The following IFIT1 variants were observed in gnomAD, a reference collection of about 807,000 sequenced individuals.
The protein encoded by IFIT1 is antiviral innate immune response effector IFIT1.
IFIT1 carries 1 observed loss-of-function variant against 2.5 expected under a neutral mutation model. The observed-to-expected ratio is 0.40, with a 90% CI of 0.14 to 1.92. IFIT1 has a LOEUF of 1.92. Among genes scored for constraint, IFIT1 ranks in the 40% most tolerant of loss-of-function variants. The probability of loss-of-function intolerance (pLI) is 0.31; values close to 1 mark genes in which losing one functional copy is unlikely to be tolerated. For missense variants in IFIT1, 508 were observed against 557.8 expected (o/e 0.91, Z 0.90); for synonymous variants, 191 against 201.7 (o/e 0.95, Z 0.45).
At position 89,396,994 on chromosome 10, in the gene IFIT1, A is replaced by G. The variant is rs116001445; in HGVS notation, c.5+4277A>G. Among the ~76,000 whole-genome samples the G allele has an allele frequency of 5.2e-3, 792 of 152,356 alleles. 2 individuals are homozygous for G. The highest frequency in any genetic ancestry group is 0.018 in the African/African-American group (758 of 41,580). ...TCTCCATACATGAGTAATCACATAC[A>G]TACAAATATATAAGGATTTGGTTCT... On this transcript the variant is annotated intron_variant, in intron 1 of 1. Coordinates refer to ENST00000371804, the MANE Select transcript of IFIT1 (RefSeq NM_001548.5).
chr10:89,392,739 T>C, intron 1 of IFIT1, 22 bp downstream of exon 1: 1 of 1,613,056 alleles, frequency 6.2e-7, no homozygotes, highest in Non-Finnish European at 8.5e-7. Context: ...TTTGCTCCTC[T>C]GCCATAATGT....
At chr10:89,393,514 C>G (rs1779469441) in intron 1 of IFIT1, among the ~76,000 whole-genome samples, 1 of 152,200 alleles carries the variant, frequency 6.6e-6, no homozygotes. Context: ...GAGCAGATCG[C>G]CTGAGGTCAG....
At chr10:89,394,602 A>ATTT (rs1844310842) in intron 1 of IFIT1, among the ~76,000 whole-genome samples, 1 of 32,624 alleles carries the variant, frequency 3.1e-5, no homozygotes, top group Admixed American at 2.8e-4. Flanking sequence ...ATATATATAT[A>ATTT]TATATATATA....
rs1318218502 is a variant in IFIT1 at position 89,403,096 on chromosome 10, T to TA, written c.827dup (p.Ala277GlyfsTer35). On this transcript the variant is annotated frameshift_variant, in exon 2 of 2. Transcript: ENST00000371804. LOFTEE classifies it low-confidence loss of function (END_TRUNC). ...TCTGTGGATAAAGCTCTTGAGTTATTAAAAAAGGCCTTGCAGGAAACACCC... is the reference window on the plus strand; with the variant it reads ...TCTGTGGATAAAGCTCTTGAGTTATTAAAAAAAGGCCTTGCAGGAAACACCC... 1.2e-6 allele frequency: 2 copies of TA among 1,614,114 alleles called. No homozygotes were observed. Among genetic ancestry groups the TA allele is most frequent in the Middle Eastern group, 1.6e-4 (1 of 6,062 alleles).
rs1844323112 is a variant in IFIT1 at position 89,395,178 on chromosome 10, AC to A, written c.5+2465del. ...TGACCTATTTGACTTGCCCCCACTG[AC>A]CCCACCCCCACCCCACATGGACCAG... On this transcript the variant is annotated intron_variant, in intron 1 of 1. Coordinates refer to ENST00000371804, the MANE Select transcript of IFIT1 (RefSeq NM_001548.5). Among the ~76,000 whole-genome samples, 4 of 138,798 alleles carry A rather than the reference AC, an allele frequency of 2.9e-5. No homozygotes were observed. The South Asian group carries it at 7.6e-4, about 26-fold the overall frequency. The allele number at this position is 138,798 out of a possible 152,430, so 91.1% of individuals were successfully genotyped here. A position where few individuals can be genotyped will look rare whatever the true frequency, so the allele number is the denominator to read the frequency against.
rs1844454541 is a variant in IFIT1 at position 89,402,807 on chromosome 10, A to C, written c.532A>C (p.Ser178Arg). Residue 178 changes from serine to arginine, a missense_variant, in exon 2 of 2, where the codon AGC becomes CGC. By Grantham distance (110) the Ser-to-Arg change is moderately radical. Transcript: ENST00000371804. Reference sequence around the variant, plus strand: ...AGTGGACCCTGAAAACCCTGAATCCAGCGCTGGGTATGCGATCTCTGCCTA... The same window carrying C: ...AGTGGACCCTGAAAACCCTGAATCCCGCGCTGGGTATGCGATCTCTGCCTA... ...LEVDPENPES[S>R]AGYAISAYRL... The C allele has an allele frequency of 6.2e-7, 1 of 1,614,108 alleles. No homozygotes were observed. Among genetic ancestry groups the C allele is most frequent in the South Asian group, 1.1e-5 (1 of 91,080 alleles).
At chr10:89,401,048 T>C (rs1844413936) in intron 1 of IFIT1, among the ~76,000 whole-genome samples, 1 of 152,136 alleles carries the variant, frequency 6.6e-6, no homozygotes, top group Admixed American at 6.5e-5. Flanking sequence ...ATTCTGTTAA[T>C]GTGGTATATT....
At chr10:89,393,217 A>G (rs942711807) in intron 1 of IFIT1, 1 of 1,289,762 alleles carries the variant, frequency 7.8e-7, no homozygotes, top group Non-Finnish European at 1.0e-6. Flanking sequence ...GGAAAAGCTC[A>G]CAGCCTTCCT....
rs1564807735 is a variant in IFIT1 at position 89,394,604 on chromosome 10, A to ATATATATATATATATATATTT, written c.5+1906_5+1907insTTTATATATATATATATATAT. On this transcript the variant is annotated intron_variant, in intron 1 of 1. Coordinates refer to ENST00000371804, the MANE Select transcript of IFIT1 (RefSeq NM_001548.5). ...TATATATATATATATATATATATATATATATATATATATATATATATATAA... is the reference window on the plus strand; with the variant it reads ...TATATATATATATATATATATATATATATATATATATATATATATTTTATATATATATATATATATATATAA... Among the ~76,000 whole-genome samples, 5 of 48,140 alleles carry ATATATATATATATATATATTT rather than the reference A, an allele frequency of 1.0e-4. No homozygotes were observed. In the African/African-American group the frequency reaches 1.1e-3, roughly 11 times the overall value. 31.6% of individuals were successfully genotyped at this position (48,140 alleles called of 152,430 possible). A position where few individuals can be genotyped will look rare whatever the true frequency, so the allele number is the denominator to read the frequency against.
At chr10:89,394,602 A>T (rs865916137) in intron 1 of IFIT1, among the ~76,000 whole-genome samples, 4,499 of 32,432 alleles carry the variant, frequency 0.14, 443 homozygotes, top group African/African-American at 0.41. Context: ...ATATATATAT[A>T]TATATATATA....
At position 89,403,596 on chromosome 10, in the gene IFIT1, A is replaced by G; in HGVS notation, c.1321A>G (p.Ser441Gly). ...AAAGGCATTAGATCTGGAAAGCTTG[A>G]GCCTCCTTGGGTTCGTCTACAAATT... ...RRKALDLESL[S>G]LLGFVYKLEG... Residue 441 changes from serine (S) to glycine (G), a missense_variant, in exon 2 of 2, where the codon AGC becomes GGC. Ser to Gly is a moderately conservative substitution (Grantham distance 56, BLOSUM62 0). Coordinates refer to ENST00000371804, the MANE Select transcript of IFIT1 (RefSeq NM_001548.5). 2 of 1,614,086 alleles carry G rather than the reference A, an allele frequency of 1.2e-6. No homozygotes were observed.
At position 89,403,736 on chromosome 10, in the gene IFIT1, ACATTT is replaced by A. The variant is rs753225912; in HGVS notation, c.*35_*39del. 7 of 1,278,562 alleles carry A rather than the reference ACATTT, an allele frequency of 5.5e-6. No homozygotes were observed. Among genetic ancestry groups the A allele is most frequent in the Middle Eastern group, 1.9e-4 (1 of 5,278 alleles). The allele number at this position is 1,278,562 out of a possible 1,614,324, so 79.2% of individuals were successfully genotyped here. A position where few individuals can be genotyped will look rare whatever the true frequency, so the allele number is the denominator to read the frequency against. On this transcript the variant is annotated 3_prime_UTR_variant, in exon 2 of 2. Coordinates refer to ENST00000371804, the MANE Select transcript of IFIT1 (RefSeq NM_001548.5). ...AGGCACCCAGATATCAGCCACTTTC[ACATTT>A]CATTTCATTTTATGCTAACATTTAC...
chr10:89,395,956 T>C (rs1844337241), intron 1 of IFIT1, among the ~76,000 whole-genome samples: 1 of 152,226 alleles, frequency 6.6e-6, no homozygotes, highest in Non-Finnish European at 1.5e-5. Flanking sequence ...ACTTTATGGA[T>C]ATATTACATT....
intron 1 of IFIT1, 50 bp downstream of exon 1, chr10:89,392,767 A>C: frequency 6.3e-7 from 1 of 1,592,492 alleles, no homozygotes; most frequent in Non-Finnish European, 8.6e-7. Context: ...TTTTGAAAAA[A>C]TGGTAATTAA....
At chr10:89,402,128 G>A (rs1381034977) in intron 1 of IFIT1, among the ~76,000 whole-genome samples, 153 bp from the exon 2 acceptor site, 1 of 152,136 alleles carries the variant, frequency 6.6e-6, no homozygotes, top group East Asian at 1.9e-4. Flanking sequence ...AATATCAACA[G>A]TCCATGAATA....
At position 89,402,821 on chromosome 10, in the gene IFIT1, G is replaced by C. The variant is rs767425117; in HGVS notation, c.546G>C (p.Ala182=). ...PENPESSAGY[A]ISAYRLDGFK... is the part of the protein sequence containing the mutation. ...ACCCTGAATCCAGCGCTGGGTATGC[G>C]ATCTCTGCCTATCGCCTGGATGGCT... The change falls in exon 2 of 2, where the codon GCG becomes GCC. Residue 182 remains alanine, a synonymous_variant. Transcript: ENST00000371804. The C allele has an allele frequency of 1.2e-6, 2 of 1,614,190 alleles. No individual in the cohort carries two copies. Among genetic ancestry groups the C allele is most frequent in the Non-Finnish European group, 8.5e-7 (1 of 1,180,040 alleles).
rs1844512992 is a variant in IFIT1 at position 89,405,343 on chromosome 10, A to G, written c.*1631A>G. On this transcript the variant is annotated 3_prime_UTR_variant, in exon 2 of 2. Coordinates refer to ENST00000371804, the MANE Select transcript of IFIT1 (RefSeq NM_001548.5). ...TAACAATCACCTTTGATTATGAATAATCATATTTTATTGAAAGGCAAGGCA... is the reference window on the plus strand; with the variant it reads ...TAACAATCACCTTTGATTATGAATAGTCATATTTTATTGAAAGGCAAGGCA... 1.3e-5 allele frequency: 2 copies of G among 152,242 alleles called. No individual in the cohort carries two copies. Among genetic ancestry groups the G allele is most frequent in the Non-Finnish European group, 2.9e-5 (2 of 68,040 alleles). 9.4% of individuals were successfully genotyped at this position (152,242 alleles called of 1,614,324 possible). A position where few individuals can be genotyped will look rare whatever the true frequency, so the allele number is the denominator to read the frequency against.
chr10:89,404,911 G>T lies in IFIT1; in HGVS notation c.*1199G>T, dbSNP rs1350520901. ...AGGGAGTTCGAGGCTGCAGTGTCGA[G>T]ATCTTGCCACTGCACTCCATTCTGG... On this transcript the variant is annotated 3_prime_UTR_variant, in exon 2 of 2. Coordinates refer to ENST00000371804, the MANE Select transcript of IFIT1 (RefSeq NM_001548.5). The T allele has an allele frequency of 1.3e-5, 2 of 151,782 alleles. No individual in the cohort carries two copies. The highest frequency in any genetic ancestry group is 2.9e-5 in the Non-Finnish European group (2 of 68,024). The allele number at this position is 151,782 out of a possible 1,614,324, so 9.4% of individuals were successfully genotyped here.
In IFIT1 at chr10:89,392,722, G is replaced by C. The variant is rs769697159; in HGVS notation, c.5+5G>C. ...CTAATTTACAGCAACCATGAGGTAA[G>C]GATTTCTTTGCTCCTCTGCCATAAT... On this transcript the variant is annotated splice_donor_5th_base_variant and intron_variant, in intron 1 of 1. Transcript: ENST00000371804. 3 of 1,613,884 alleles carry C rather than the reference G, an allele frequency of 1.9e-6. No homozygotes were observed. The highest frequency in any genetic ancestry group is 3.3e-5 in the Admixed American group (2 of 59,986).
Sources: gnomAD v4.1 joint callset for allele counts (sites outside exome capture counted in the v4.1 genomes callset) on GRCh38, gnomAD v4.1.1 for gene constraint, MANE v1.5 for transcripts, NCBI Gene and HGNC (gene_info 2026-07-23, HGNC 2026-07-21) for gene names.